IPO9: variants seen among roughly 807,000 people sequenced by gnomAD.
IPO9 encodes the protein importin 9, also known as importin-9.
A neutral mutation model predicts 128.6 loss-of-function variants in IPO9; 28 were observed. The observed-to-expected ratio is 0.22, with a 90% CI of 0.16 to 0.30. The LOEUF is 0.30. Among genes scored for constraint, IPO9 ranks in the 10% least tolerant of loss-of-function variants. IPO9 has a pLI of 1.00. For missense variants in IPO9, 935 were observed against 1,293.9 expected, an observed-to-expected ratio of 0.72 and a Z score of 4.26; for synonymous variants, 455 against 475.8, an observed-to-expected ratio of 0.96 and a Z score of 0.57.
intron 17 of IPO9, 123 bp downstream of exon 17, chr1:201,869,841 T>C: frequency 8.1e-7 from 1 of 1,230,212 alleles, no homozygotes; most frequent in Non-Finnish European, 1.1e-6. Context: ...CCATATTTAC[T>C]TAGCAGATTC....
intron 14 of IPO9, among the ~76,000 whole-genome samples, chr1:201,865,739 A>G (rs61824379): frequency 6.2e-4 from 95 of 152,300 alleles, no homozygotes; most frequent in Non-Finnish European, 9.0e-4. Flanking sequence ...CCTCATTTCA[A>G]TCAACAAATA....
chr1:201,843,510 A>G (rs867690666), intron 1 of IPO9, among the ~76,000 whole-genome samples: 1 of 152,262 alleles, frequency 6.6e-6, no homozygotes, highest in African/African-American at 2.4e-5. Context: ...TCAGGAACCA[A>G]GGACAAAAGC....
rs1282641135 is a variant in IPO9 at position 201,870,681 on chromosome 1, G to T, written c.2232G>T (p.Met744Ile). Reference protein sequence around the residue: ...EQGHNGLWYVMQVVSQLLDPR... With the variant: ...EQGHNGLWYVIQVVSQLLDPR... ...GCCACAATGGACTGTGGTATGTGAT[G>T]CAAGTGGTGAGCCAGCTCCTGGACC... The change falls in exon 18 of 24, where the codon ATG becomes ATT. Residue 744 changes from methionine (M) to isoleucine (I), a missense_variant. Physicochemically the swap from Met to Ile is conservative, Grantham distance 10. Coordinates refer to ENST00000361565, the MANE Select transcript of IPO9 (RefSeq NM_018085.5). The surrounding 1 kb of genome is among the most constrained non-coding windows in gnomAD (Gnocchi z 4.9). The T allele has an allele frequency of 6.2e-7, 1 of 1,614,256 alleles. No individual in the cohort carries two copies. The highest frequency in any genetic ancestry group is 1.1e-5 in the South Asian group (1 of 91,090).
At chr1:201,847,178 T>C (rs1171670914) in intron 1 of IPO9, 101 bp from the exon 2 acceptor site, 2 of 836,250 alleles carry the variant, frequency 2.4e-6, no homozygotes, top group Admixed American at 2.1e-5. Flanking sequence ...AACAACAGAT[T>C]AAGTTTCTTT....
At chr1:201,851,358 G>A (rs1446725186) in intron 4 of IPO9, among the ~76,000 whole-genome samples, 1 of 151,878 alleles carries the variant, frequency 6.6e-6, no homozygotes, top group Non-Finnish European at 1.5e-5. Flanking sequence ...AAAGCATCAG[G>A]TAAAGTGGAT....
chr1:201,839,059 A>T (rs1193571843), intron 1 of IPO9, among the ~76,000 whole-genome samples: 5 of 144,230 alleles, frequency 3.5e-5, no homozygotes, highest in Middle Eastern at 4.3e-3. Flanking sequence ...AGCTGGGACT[A>T]CAGGCGCCCG....
chr1:201,846,843 A>G (rs1352946543), intron 1 of IPO9, among the ~76,000 whole-genome samples: 1 of 151,782 alleles, frequency 6.6e-6, no homozygotes, highest in East Asian at 1.9e-4. Context: ...CTAATTTTGT[A>G]TTTTTAGTAG....
rs1277675474 is a variant in IPO9, at chr1:201,880,567, T to C, written c.*4513T>C. On this transcript the variant is annotated 3_prime_UTR_variant, in exon 24 of 24. Transcript: ENST00000361565. ...TTTGCACCCCAGCTAAGCTGACCCATGATCAGTAAGTAGGAAATAAAAGGC... is the reference window on the plus strand; with the variant it reads ...TTTGCACCCCAGCTAAGCTGACCCACGATCAGTAAGTAGGAAATAAAAGGC... The C allele has an allele frequency of 1.3e-5, 2 of 152,206 alleles. No homozygotes were observed. Among genetic ancestry groups the C allele is most frequent in the African/African-American group, 4.8e-5 (2 of 41,430 alleles). 9.4% of individuals were successfully genotyped at this position (152,206 alleles called of 1,614,324 possible). A position where few individuals can be genotyped will look rare whatever the true frequency, so the allele number is the denominator to read the frequency against.
rs372350738 is a variant in IPO9 at position 201,849,082 on chromosome 1, G to C, written c.514+488G>C. Among the ~76,000 whole-genome samples, 25 of 152,270 alleles carry C rather than the reference G, an allele frequency of 1.6e-4. No homozygotes were observed. The East Asian group carries it at 3.7e-3, about 22-fold the overall frequency. ...CTTAGTTCAACCAAGGCAAAGTTAA[G>C]AATTGTAAAATGGATTTTTATAGAA... On this transcript the variant is annotated intron_variant, in intron 4 of 23. Coordinates refer to ENST00000361565, the MANE Select transcript of IPO9 (RefSeq NM_018085.5).
chr1:201,854,718 A>G lies in IPO9; in HGVS notation c.810+4A>G. On this transcript the variant is annotated splice_donor_region_variant and intron_variant, in intron 7 of 23. Transcript: ENST00000361565. ...GTTTAAGATGGAGGTCCTAAAGGTA[A>G]ACACTTACTACCAATGAAATATTTG... The G allele has an allele frequency of 6.2e-7, 1 of 1,613,806 alleles. No homozygotes were observed. Among genetic ancestry groups the G allele is most frequent in the African/African-American group, 1.3e-5 (1 of 75,022 alleles).
At chr1:201,866,396 A>C (rs1680554416) in intron 14 of IPO9, among the ~76,000 whole-genome samples, 1 of 152,174 alleles carries the variant, frequency 6.6e-6, no homozygotes, top group Non-Finnish European at 1.5e-5. Context: ...CTATAGAGGG[A>C]ACTTTAAATC....
In IPO9 at chr1:201,847,595, G is replaced by A. The variant is rs945966932; in HGVS notation, c.269G>A (p.Cys90Tyr). 4 of 1,614,054 alleles carry A rather than the reference G, an allele frequency of 2.5e-6. No homozygotes were observed. Among genetic ancestry groups the A allele is most frequent in the Admixed American group, 1.7e-5 (1 of 60,002 alleles). Residue 90 changes from cysteine (C) to tyrosine (Y), a missense_variant, in exon 3 of 24, where the codon TGT becomes TAT. Transcript: ENST00000361565. ...AAACAATATGTGGAGACTCACTGGTGTGCCCAATCAGAGAAATTTAGGCCT... is the reference window on the plus strand; with the variant it reads ...AAACAATATGTGGAGACTCACTGGTATGCCCAATCAGAGAAATTTAGGCCT... ...ILKQYVETHW[C>Y]AQSEKFRPPE...
intron 23 of IPO9, 124 bp downstream of exon 23, chr1:201,875,352 G>T (rs1052770011): frequency 1.2e-6 from 1 of 833,614 alleles, no homozygotes; most frequent in African/African-American, 1.7e-5. Context: ...CACTTTGGGA[G>T]GTCAAGGCGG....
Position 201,854,721 on chromosome 1 carries a change from A to G in IPO9, c.810+7A>G. On this transcript the variant is annotated splice_region_variant and intron_variant, in intron 7 of 23. Coordinates refer to ENST00000361565, the MANE Select transcript of IPO9 (RefSeq NM_018085.5). ...TAAGATGGAGGTCCTAAAGGTAAAC[A>G]CTTACTACCAATGAAATATTTGGAG... 6.2e-7 allele frequency: 1 copy of G among 1,612,706 alleles called. No homozygotes were observed. The highest frequency in any genetic ancestry group is 8.5e-7 in the Non-Finnish European group (1 of 1,179,598).
intron 15 of IPO9, 29 bp from the exon 16 acceptor site, chr1:201,868,619 G>C (rs1199943444): frequency 6.3e-6 from 10 of 1,599,002 alleles, no homozygotes; most frequent in Non-Finnish European, 8.5e-6. Context: ...ATCAGGCAGG[G>C]GGATTCCGTG....
intron 1 of IPO9, among the ~76,000 whole-genome samples, chr1:201,832,818 C>T (rs1450275576): frequency 6.6e-6 from 1 of 152,186 alleles, no homozygotes; most frequent in Non-Finnish European, 1.5e-5. Flanking sequence ...ACATTTGTTA[C>T]CTTCCTTGGC....
intron 10 of IPO9, 106 bp downstream of exon 10, chr1:201,856,040 AAAAG>A (rs2102879352): frequency 1.2e-6 from 1 of 866,952 alleles, no homozygotes; most frequent in South Asian, 2.1e-5. Flanking sequence ...AATAGACACA[AAAAG>A]AATAATTTCA....
chr1:201,866,856 G>A lies in IPO9; in HGVS notation c.1752G>A (p.Met584Ile), dbSNP rs1680563065. 1.2e-6 allele frequency: 2 copies of A among 1,614,026 alleles called. No individual in the cohort carries two copies. Among genetic ancestry groups the A allele is most frequent in the East Asian group, 2.2e-5 (1 of 44,888 alleles). ...QFSSEVLNLV[M>I]ETLCIVCTVD... Reference sequence around the variant, plus strand: ...GCTCAGAGGTCCTCAACCTGGTGATGGAGACCCTGTGCATCGTTTGTACAG... The same window carrying A: ...GCTCAGAGGTCCTCAACCTGGTGATAGAGACCCTGTGCATCGTTTGTACAG... The change falls in exon 15 of 24, where the codon ATG becomes ATA. Residue 584 changes from methionine (M) to isoleucine (I), a missense_variant. Transcript: ENST00000361565.
intron 6 of IPO9, among the ~76,000 whole-genome samples, chr1:201,853,707 C>T (rs758484249): frequency 4.6e-5 from 7 of 152,042 alleles, no homozygotes; most frequent in Non-Finnish European, 8.8e-5. Context: ...TGTGCTACCA[C>T]TCCTGGCTAA....
Sources: gnomAD v4.1 joint callset for allele counts (sites outside exome capture counted in the v4.1 genomes callset) on GRCh38, gnomAD v4.1.1 for gene constraint, Gnocchi (gnomAD v3.1) non-coding constraint, MANE v1.5 for transcripts, NCBI Gene and HGNC (gene_info 2026-07-23, HGNC 2026-07-21) for gene names.